FBXO10: variants seen among roughly 807,000 people sequenced by gnomAD.
FBXO10 encodes the protein F-box protein 10, also known as F-box only protein 10.
A neutral mutation model predicts 80.7 loss-of-function variants in FBXO10; 39 were observed. That is an observed-to-expected ratio of 0.48 (90% confidence interval 0.37 to 0.63). FBXO10 has a LOEUF of 0.63. Ranked by LOEUF, FBXO10 falls within the 30% of genes least tolerant of loss-of-function variation. The pLI is 0.00. For synonymous variants in FBXO10, 449 were observed against 489.6 expected, an observed-to-expected ratio of 0.92 and a Z score of 1.09; for missense variants, 1,025 against 1,269.0, an observed-to-expected ratio of 0.81 and a Z score of 2.92.
intron 8 of FBXO10, among the ~76,000 whole-genome samples, 159 bp from the exon 9 acceptor site, chr9:37,518,597 G>A (rs1255666800): frequency 6.6e-6 from 1 of 152,214 alleles, no homozygotes; most frequent in Non-Finnish European, 1.5e-5. Context: ...CGTCTTCCAA[G>A]CTGATGAAAC....
intron 1 of FBXO10, among the ~76,000 whole-genome samples, chr9:37,556,656 A>G (rs541840932): frequency 5.5e-5 from 8 of 144,178 alleles, no homozygotes; most frequent in African/African-American, 1.8e-4. Context: ...CCATTCTCCT[A>G]CCTCAGCCTC....
chr9:37,550,765 C>T (rs920283738), intron 1 of FBXO10, among the ~76,000 whole-genome samples: 2 of 152,188 alleles, frequency 1.3e-5, no homozygotes, highest in African/African-American at 4.8e-5. Context: ...AGGCACCACA[C>T]CCAGCCTATT....
chr9:37,571,570 C>G (rs1337231771), intron 1 of FBXO10, among the ~76,000 whole-genome samples: 1 of 151,706 alleles, frequency 6.6e-6, no homozygotes, highest in Non-Finnish European at 1.5e-5. Context: ...GGCTGTGCCT[C>G]TCCTCCCCCA....
intron 1 of FBXO10, among the ~76,000 whole-genome samples, chr9:37,554,724 A>G (rs1388244263): frequency 6.6e-6 from 1 of 152,220 alleles, no homozygotes; most frequent in Non-Finnish European, 1.5e-5. Flanking sequence ...TCTTTCATTC[A>G]GCATAATATT....
chr9:37,530,843 G>A (rs1588834068), intron 4 of FBXO10, among the ~76,000 whole-genome samples: 1 of 152,170 alleles, frequency 6.6e-6, no homozygotes, highest in African/African-American at 2.4e-5. Flanking sequence ...GTCTTGCTAT[G>A]TTGCCCAGGC....
In FBXO10 at chr9:37,518,390, T is replaced by C. The variant is rs766237092; in HGVS notation, c.2249A>G (p.Asn750Ser). Residue 750 changes from asparagine to serine, a missense_variant, in exon 9 of 11, where the codon AAT becomes AGT. Physicochemically the swap from Asn to Ser is conservative, Grantham distance 46. This residue lies in a region of FBXO10 where 478 missense variants were observed against 667.8 expected (regional missense o/e 0.72). Coordinates refer to ENST00000432825, the MANE Select transcript of FBXO10 (RefSeq NM_012166.3). The part of the protein sequence containing the change: ...QSSEALHVIT[N>S]VIHANGDRGI... ...TCTGTCCCCATTCGCGTGGATCACA[T>C]TGGTGATGACATGCAGTGCCTCGCT... The C allele has an allele frequency of 3.7e-6, 6 of 1,613,180 alleles. No individual in the cohort carries two copies. Among genetic ancestry groups the C allele is most frequent in the Non-Finnish European group, 5.1e-6 (6 of 1,179,392 alleles).
rs78811186 is a variant in FBXO10, at chr9:37,555,006, G to A, written c.-6-13232C>T. On this transcript the variant is annotated intron_variant, in intron 1 of 10. Transcript: ENST00000432825. ...CCAGAGAGGCTATACTATTTTACAC[G>A]CCTACCAAGAAAGAATAAGAAACAC... is the stretch of plus-strand genomic sequence containing the variant. Among the ~76,000 whole-genome samples, 18 of 152,164 alleles carry A rather than the reference G, an allele frequency of 1.2e-4. No individual in the cohort carries two copies. In the South Asian group the frequency reaches 3.7e-3, roughly 32 times the overall value.
intron 1 of FBXO10, among the ~76,000 whole-genome samples, chr9:37,553,050 G>T (rs1157077924): frequency 7.5e-6 from 1 of 133,804 alleles, no homozygotes; most frequent in Non-Finnish European, 1.6e-5. Context: ...GTGTGTGTGT[G>T]TATTTTTTTT....
chr9:37,571,970 A>G (rs1384153274), intron 1 of FBXO10, among the ~76,000 whole-genome samples: 3 of 151,212 alleles, frequency 2.0e-5, no homozygotes, highest in Admixed American at 2.0e-4. Flanking sequence ...CCTGGTCTCT[A>G]CAAAAAAAAA....
intron 5 of FBXO10, among the ~76,000 whole-genome samples, chr9:37,528,443 C>G (rs1392998642): frequency 1.3e-5 from 2 of 152,206 alleles, no homozygotes; most frequent in Admixed American, 1.3e-4. Flanking sequence ...GCCCTGCTGC[C>G]TTTGCTCATG....
Position 37,548,446 on chromosome 9 carries a change from T to C in FBXO10, c.-6-6672A>G, listed in dbSNP as rs112492957. 6.1e-3 allele frequency among the ~76,000 whole-genome samples: 936 copies of C among 152,280 alleles called. 9 individuals carry two copies. The highest frequency in any genetic ancestry group is 0.022 in the African/African-American group (897 of 41,560). On this transcript the variant is annotated intron_variant, in intron 1 of 10. Transcript: ENST00000432825. The stretch of plus-strand genomic sequence containing the variant: ...ATTGTATGCTTCAGCTCTGTGCATA[T>C]CATTGCATGTAAACATCATCTCCAT...
intron 2 of FBXO10, among the ~76,000 whole-genome samples, chr9:37,538,837 T>C (rs566469288): frequency 3.9e-5 from 6 of 152,170 alleles, no homozygotes; most frequent in African/African-American, 1.4e-4. Context: ...CAAAGCACCA[T>C]GCTAGGCACA....
Position 37,563,634 on chromosome 9 carries a change from G to GT in FBXO10, c.-7+12576dup, listed in dbSNP as rs536847935. ...CCACTTCTTAGGAACCGGAGTAAAG[G>GT]TAACTCTTGCTATGCAAAGAGACTC... On this transcript the variant is annotated intron_variant, in intron 1 of 10. Coordinates refer to ENST00000432825, the MANE Select transcript of FBXO10 (RefSeq NM_012166.3). Among the ~76,000 whole-genome samples the GT allele has an allele frequency of 5.5e-3, 833 of 152,282 alleles. 1 individual carries two copies. The highest frequency in any genetic ancestry group is 0.018 in the South Asian group (89 of 4,818).
chr9:37,557,982 AT>A, intron 1 of FBXO10, among the ~76,000 whole-genome samples: 1 of 152,320 alleles, frequency 6.6e-6, no homozygotes, highest in Non-Finnish European at 1.5e-5. Flanking sequence ...TGAAAGGAGT[AT>A]TTTTAATCAT....
chr9:37,569,335 A>G (rs1822688146), intron 1 of FBXO10, among the ~76,000 whole-genome samples: 1 of 151,764 alleles, frequency 6.6e-6, no homozygotes, highest in Admixed American at 6.6e-5. Flanking sequence ...AAGAATTAAG[A>G]AGATAAAACA....
At chr9:37,574,179 A>C (rs994112555) in intron 1 of FBXO10, among the ~76,000 whole-genome samples, 1 of 152,158 alleles carries the variant, frequency 6.6e-6, no homozygotes, top group African/African-American at 2.4e-5. Flanking sequence ...CCTGCCAAAG[A>C]ATCTGAGGTC....
rs866322130 is a variant in FBXO10 at position 37,525,111 on chromosome 9, G to C, written c.1768C>G (p.Leu590Val). Residue 590 changes from leucine to valine, a missense_variant, in exon 6 of 11, where the codon CTC becomes GTC. Coordinates refer to ENST00000432825, the MANE Select transcript of FBXO10 (RefSeq NM_012166.3). ...CAGTTCCCATCCGTACCTGTGATGA[G>C]GCCTTTGCCGTTCTCATTCACTGCT... is the stretch of plus-strand genomic sequence containing the variant. The part of the protein sequence containing the change: ...GIAVNENGKG[L>V]ITENVIRENQ... The C allele has an allele frequency of 3.2e-6, 5 of 1,561,538 alleles. No individual in the cohort carries two copies. The Admixed American group carries it at 7.6e-5, about 24-fold the overall frequency.
intron 1 of FBXO10, among the ~76,000 whole-genome samples, chr9:37,543,275 C>T (rs7873615): frequency 0.016 from 2,380 of 152,266 alleles, 58 homozygotes; most frequent in African/African-American, 0.054. Context: ...AGGTTCCCAG[C>T]AGATGTATAT....
intron 1 of FBXO10, among the ~76,000 whole-genome samples, chr9:37,563,218 C>G (rs1424112789): frequency 6.6e-6 from 1 of 152,212 alleles, no homozygotes; most frequent in Non-Finnish European, 1.5e-5. Context: ...TTTTCTGAGG[C>G]CTCCCCAGCC....
Sources: gnomAD v4.1 joint callset for allele counts (sites outside exome capture counted in the v4.1 genomes callset) on GRCh38, gnomAD v4.1.1 for gene constraint, gnomAD v4.1.1 regional missense constraint, MANE v1.5 for transcripts, NCBI Gene and HGNC (gene_info 2026-07-23, HGNC 2026-07-21) for gene names.